The following NAALADL2 variants were observed in gnomAD, a reference collection of about 807,000 sequenced individuals.
The protein encoded by NAALADL2 is inactive N-acetylated-alpha-linked acidic dipeptidase-like protein 2.
NAALADL2 carries 76 observed loss-of-function variants against 87.2 expected under a neutral mutation model. The observed-to-expected ratio is 0.87, with a 90% CI of 0.72 to 1.05. NAALADL2 has a LOEUF of 1.05. Among genes scored for constraint, NAALADL2 ranks in the 50% least tolerant of loss-of-function variants. The pLI is 0.00. For synonymous variants in NAALADL2, 354 were observed against 331.0 expected (o/e 1.07, Z -0.75); for missense variants, 1,089 against 945.8 (o/e 1.15, Z -1.99).
chr3:175,256,413 T>A lies in NAALADL2; in HGVS notation c.822T>A (p.Ala274=). ...CTTTGTTTTTTCTCCTCTTTCAGGC[T>A]GAAGTCATCGATGTGAGTTATGGAA... ...AAYSAKGTLK[A]EVIDVSYGMA... The change falls in exon 4 of 14, where the codon GCT becomes GCA. Residue 274 remains alanine, a splice_region_variant and synonymous_variant. Coordinates refer to ENST00000454872, the MANE Select transcript of NAALADL2 (RefSeq NM_207015.3). The A allele has an allele frequency of 6.2e-7, 1 of 1,609,826 alleles. No homozygotes were observed. Among genetic ancestry groups the A allele is most frequent in the African/African-American group, 1.3e-5 (1 of 74,792 alleles).
At position 174,508,114 on chromosome 3, in the gene NAALADL2, G is replaced by GT. The variant is rs1311325384; in HGVS notation, c.-183-42438dup. Reference sequence around the variant, plus strand: ...AATTTTAGCTATTGGATATCTAGTGGTTTTTTTTTTTTTTTTTGAGACGAA... The same window carrying GT: ...AATTTTAGCTATTGGATATCTAGTGGTTTTTTTTTTTTTTTTTTGAGACGAA... On this transcript the variant is annotated intron_variant, in intron 1 of 3. Transcript: ENST00000434257. 3.0e-3 allele frequency among the ~76,000 whole-genome samples: 307 copies of GT among 103,884 alleles called. 8 individuals carry two copies. The highest frequency in any genetic ancestry group is 6.3e-3 in the Middle Eastern group (1 of 160). 68.2% of individuals were successfully genotyped at this position (103,884 alleles called of 152,430 possible). A position where few individuals can be genotyped will look rare whatever the true frequency, so the allele number is the denominator to read the frequency against.
chr3:175,224,059 G>A (rs1410585212), intron 2 of NAALADL2, among the ~76,000 whole-genome samples: 1 of 152,178 alleles, frequency 6.6e-6, no homozygotes, highest in African/African-American at 2.4e-5. Flanking sequence ...AAGAAAGACA[G>A]AGAGAGAGTT....
At chr3:175,360,873 AT>A (rs927370900) in intron 5 of NAALADL2, among the ~76,000 whole-genome samples, 16 of 123,850 alleles carry the variant, frequency 1.3e-4, no homozygotes, top group African/African-American at 4.2e-4. Context: ...TTTTTTTTTA[AT>A]TTTTTTTATT....
chr3:175,620,605 C>A (rs1246912674), intron 10 of NAALADL2, among the ~76,000 whole-genome samples: 1 of 152,168 alleles, frequency 6.6e-6, no homozygotes, highest in Non-Finnish European at 1.5e-5. Flanking sequence ...GTGGCTTTTT[C>A]ACTCCCGCAA....
In NAALADL2 at chr3:174,962,313, G is replaced by A. The variant is rs376291587; in HGVS notation, c.43+102863G>A. On this transcript the variant is annotated intron_variant, in intron 1 of 13. Coordinates refer to ENST00000454872, the MANE Select transcript of NAALADL2 (RefSeq NM_207015.3). ...CATTGTATTTAAGTCACTCTTTTCA[G>A]CTGTATTAACACCAAAGTATTGTTG... is the stretch of plus-strand genomic sequence containing the variant. Among the ~76,000 whole-genome samples the A allele has an allele frequency of 1.1e-4, 14 of 124,508 alleles. 1 individual carries two copies. Among genetic ancestry groups the A allele is most frequent in the East Asian group, 1.1e-3 (5 of 4,630 alleles). The allele number at this position is 124,508 out of a possible 152,430, so 81.7% of individuals were successfully genotyped here.
At chr3:175,077,980 GAAT>G (rs1417375260) in intron 1 of NAALADL2, among the ~76,000 whole-genome samples, 1 of 151,408 alleles carries the variant, frequency 6.6e-6, no homozygotes, top group African/African-American at 2.4e-5. Context: ...CTCATAATGA[GAAT>G]AATGATCAAA....
chr3:175,220,655 G>A (rs898757325), intron 2 of NAALADL2, among the ~76,000 whole-genome samples: 3 of 151,656 alleles, frequency 2.0e-5, no homozygotes, highest in Non-Finnish European at 4.4e-5. Context: ...AATTCCCTTT[G>A]ATGAGTTTTT....
At chr3:175,555,842 T>C (rs1432954671) in intron 9 of NAALADL2, among the ~76,000 whole-genome samples, 1 of 152,226 alleles carries the variant, frequency 6.6e-6, no homozygotes, top group African/African-American at 2.4e-5. Flanking sequence ...CATATTTGGC[T>C]TATGGTTTCT....
intron 5 of NAALADL2, among the ~76,000 whole-genome samples, chr3:175,371,802 C>T (rs1232681826): frequency 6.7e-6 from 1 of 149,352 alleles, no homozygotes; most frequent in Admixed American, 6.6e-5. Flanking sequence ...CCAGCCTGGA[C>T]AACTCCATCT....
In NAALADL2 at chr3:175,447,350, CT is replaced by C. The variant is rs2149222467; in HGVS notation, c.1213del (p.Ser405LeufsTer2). ...CTAGAACCAAAAATGAAGCGTGTAG[CT>C]CTCTAGAGCTTCCAAATAATGGTAA... ...KARTKNEACS[S>X]LELPNNEIRV... On this transcript the variant is annotated frameshift_variant, in exon 6 of 14. Coordinates refer to ENST00000454872, the MANE Select transcript of NAALADL2 (RefSeq NM_207015.3). LOFTEE classifies it high-confidence loss of function. 6.4e-7 allele frequency: 1 copy of C among 1,574,062 alleles called. No individual in the cohort carries two copies. The highest frequency in any genetic ancestry group is 1.4e-5 in the African/African-American group (1 of 73,488).
chr3:175,604,556 A>G (rs921839924), intron 10 of NAALADL2, among the ~76,000 whole-genome samples: 3 of 152,036 alleles, frequency 2.0e-5, no homozygotes, highest in Non-Finnish European at 4.4e-5. Context: ...CACCTGCCTC[A>G]GCCTCCCACA....
At chr3:175,029,060 TATATAA>T (rs1039713353) in intron 1 of NAALADL2, among the ~76,000 whole-genome samples, 1 of 148,476 alleles carries the variant, frequency 6.7e-6, no homozygotes, top group African/African-American at 2.5e-5. Context: ...TATATATATA[TATATAA>T]AAAACTCAAA....
At chr3:174,500,350 G>A (rs1373237057) in intron 1 of NAALADL2, among the ~76,000 whole-genome samples, 1 of 152,052 alleles carries the variant, frequency 6.6e-6, no homozygotes, top group African/African-American at 2.4e-5. Context: ...TGTAATAGAT[G>A]ATCATGTCCT....
chr3:175,269,120 G>T (rs2109989018), intron 4 of NAALADL2, among the ~76,000 whole-genome samples: 1 of 138,684 alleles, frequency 7.2e-6, no homozygotes, highest in African/African-American at 2.5e-5. Context: ...TGTATTTTCA[G>T]TAGAGACGGG....
intron 3 of NAALADL2, among the ~76,000 whole-genome samples, chr3:174,799,390 C>G (rs1198748529): frequency 6.6e-6 from 1 of 151,930 alleles, no homozygotes; most frequent in Admixed American, 6.6e-5. Context: ...GGGAGAAGGT[C>G]TTTCTCGTGC....
chr3:174,503,420 T>C (rs7618409), intron 1 of NAALADL2, among the ~76,000 whole-genome samples: 2,792 of 152,226 alleles, frequency 0.018, 88 homozygotes, highest in African/African-American at 0.057. Context: ...AAAATTTTTT[T>C]AAAAAAGGAG....
At chr3:175,594,339 T>A (rs1396686946) in intron 10 of NAALADL2, among the ~76,000 whole-genome samples, 1 of 152,208 alleles carries the variant, frequency 6.6e-6, no homozygotes, top group East Asian at 1.9e-4. Flanking sequence ...CAGTCTTTTT[T>A]ATGGCTTCAT....
At chr3:175,456,914 C>A (rs1722397079) in intron 6 of NAALADL2, among the ~76,000 whole-genome samples, 1 of 151,974 alleles carries the variant, frequency 6.6e-6, no homozygotes, top group Non-Finnish European at 1.5e-5. Context: ...GCTTTGCTAC[C>A]TTTGAAGATT....
intron 3 of NAALADL2, among the ~76,000 whole-genome samples, chr3:174,830,842 C>T (rs1226414689): frequency 1.7e-4 from 26 of 152,028 alleles, no homozygotes; most frequent in African/African-American, 6.0e-4. Flanking sequence ...AAGTTGGACT[C>T]CTAGGTATTT....
Sources: allele counts gnomAD v4.1 joint callset (sites outside exome capture counted in the v4.1 genomes callset), GRCh38; gene constraint gnomAD v4.1.1; transcripts MANE v1.5; gene names NCBI Gene and HGNC (gene_info 2026-07-23, HGNC 2026-07-21).